The following KDM2B variants were observed in gnomAD, a reference collection of about 807,000 sequenced individuals.
KDM2B encodes lysine-specific demethylase 2B.
A neutral mutation model predicts 150.0 loss-of-function variants in KDM2B; 26 were observed. That is an observed-to-expected ratio of 0.17 (90% CI 0.13 to 0.24). The LOEUF is 0.24. KDM2B is among the 10% of genes least tolerant of loss of function. KDM2B has a pLI of 1.00. For synonymous variants in KDM2B, 734 were observed against 729.5 expected (o/e 1.01, Z -0.10); for missense variants, 1,265 against 1,816.9 (o/e 0.70, Z 5.52).
chr12:121,453,064 G>A lies in KDM2B; in HGVS notation c.1959+56C>T. The A allele has an allele frequency of 2.8e-6, 4 of 1,437,716 alleles. No homozygotes were observed. The highest frequency in any genetic ancestry group is 3.7e-6 in the Non-Finnish European group (4 of 1,069,600). The allele number at this position is 1,437,716 out of a possible 1,614,324, so 89.1% of individuals were successfully genotyped here. On this transcript the variant is annotated intron_variant, in intron 13 of 22. Coordinates refer to ENST00000377071, the MANE Select transcript of KDM2B (RefSeq NM_032590.5). The surrounding 1 kb of genome is among the most constrained non-coding windows in gnomAD (Gnocchi z 6.4). ...CAGAGCGAGCAGCGGTCAGACACGC[G>A]GGCCGGCACGCAGGGGCCTGAATCG...
rs2137340486 is a variant in KDM2B, at chr12:121,429,966, C to T, written c.*322G>A. On this transcript the variant is annotated 3_prime_UTR_variant, in exon 23 of 23. Transcript: ENST00000377071. ...GTGTCCAAAACACCACTACCACTAA[C>T]AGAAACTCCTAAGCTCATGCTTCAG... 4.1e-6 allele frequency: 3 copies of T among 728,102 alleles called. No homozygotes were observed. Among genetic ancestry groups the T allele is most frequent in the Non-Finnish European group, 7.2e-6 (3 of 415,790 alleles). The allele number at this position is 728,102 out of a possible 1,614,324, so 45.1% of individuals were successfully genotyped here. A position where few individuals can be genotyped will look rare whatever the true frequency, so the allele number is the denominator to read the frequency against.
intron 8 of KDM2B, among the ~76,000 whole-genome samples, chr12:121,523,685 G>T (rs1372234603): frequency 6.6e-6 from 1 of 152,234 alleles, no homozygotes; most frequent in Non-Finnish European, 1.5e-5. Flanking sequence ...GCAACGCATG[G>T]AACAGAGCTG....
chr12:121,478,422 T>C (rs1555297183), intron 12 of KDM2B, among the ~76,000 whole-genome samples: 1 of 149,774 alleles, frequency 6.7e-6, no homozygotes. Context: ...TGCAGTGGCG[T>C]GATCTCGGCT....
chr12:121,516,637 C>T, intron 9 of KDM2B: 1 of 796,080 alleles, frequency 1.3e-6, no homozygotes, highest in Non-Finnish European at 1.9e-6. Context: ...ACAAGGCATG[C>T]AATGCTCCCA....
intron 7 of KDM2B, among the ~76,000 whole-genome samples, chr12:121,534,176 C>T (rs562912755): frequency 1.1e-4 from 17 of 152,150 alleles, no homozygotes; most frequent in Admixed American, 7.2e-4. Flanking sequence ...GGTGAAACCC[C>T]GTCTCTACTA....
At chr12:121,506,152 G>A (rs1345183799) in intron 11 of KDM2B, among the ~76,000 whole-genome samples, 4 of 151,932 alleles carry the variant, frequency 2.6e-5, no homozygotes, top group African/African-American at 9.7e-5. Flanking sequence ...TGGGGCTACA[G>A]GCGCACACCA....
In KDM2B at chr12:121,542,230, C is replaced by T. The variant is rs575696886; in HGVS notation, c.683+6647G>A. Among the ~76,000 whole-genome samples, 7 of 152,208 alleles carry T rather than the reference C, an allele frequency of 4.6e-5. No individual in the cohort carries two copies. In the South Asian group the frequency reaches 6.2e-4, roughly 13 times the overall value. ...TATATGTGGCAAGGAACTGAGGCCT[C>T]CTGCCAACAGCCACGGGGATGCACC... On this transcript the variant is annotated intron_variant, in intron 6 of 22. Coordinates refer to ENST00000377071, the MANE Select transcript of KDM2B (RefSeq NM_032590.5).
In KDM2B at chr12:121,574,612, A is replaced by C. The variant is rs782445707; in HGVS notation, c.351-19T>G. On this transcript the variant is annotated intron_variant, in intron 3 of 22. Coordinates refer to ENST00000377071, the MANE Select transcript of KDM2B (RefSeq NM_032590.5). ...AGGCATCCTGGGGAAAGAGGAGCAC[A>C]GACCTTTGGTGAGAGGCCAGAAACA... is the stretch of plus-strand genomic sequence containing the variant. 6.2e-7 allele frequency: 1 copy of C among 1,613,622 alleles called. No individual in the cohort carries two copies. Among genetic ancestry groups the C allele is most frequent in the South Asian group, 1.1e-5 (1 of 91,062 alleles).
chr12:121,492,051 G>C (rs975189442), intron 12 of KDM2B, among the ~76,000 whole-genome samples: 1 of 151,908 alleles, frequency 6.6e-6, no homozygotes. Context: ...CCAGCTACTC[G>C]GGAGGCTAAG....
Position 121,549,631 on chromosome 12 carries a change from C to T in KDM2B, c.405G>A (p.Arg135=), listed in dbSNP as rs1889326821. Residue 135 remains arginine, a synonymous_variant, in exon 5 of 23, where the codon CGG becomes CGA. Coordinates refer to ENST00000377071, the MANE Select transcript of KDM2B (RefSeq NM_032590.5). The surrounding 1 kb of genome is among the most constrained non-coding windows in gnomAD (Gnocchi z 4.4). ...TCACATCCATCACGTCCACAAGCCG[C>T]CGGCTCCCTGGAGGCAGAAGCCACA... The part of the protein sequence containing the change: ...VRDVKLLVGS[R]RLVDVMDVNT... 2 of 1,577,298 alleles carry T rather than the reference C, an allele frequency of 1.3e-6. No homozygotes were observed. The highest frequency in any genetic ancestry group is 2.3e-5 in the East Asian group (1 of 44,062).
Position 121,538,206 on chromosome 12 carries a change from C to G in KDM2B, c.684-3616G>C, listed in dbSNP as rs1292549194. The stretch of plus-strand genomic sequence containing the variant: ...GGGGCGACCGGGAAGCAACGCGGGC[C>G]GGCGCCAGGAGACGCCCCTCGCCCG... On this transcript the variant is annotated intron_variant, in intron 6 of 22. Coordinates refer to ENST00000377071, the MANE Select transcript of KDM2B (RefSeq NM_032590.5). Among the ~76,000 whole-genome samples, 5 of 152,042 alleles carry G rather than the reference C, an allele frequency of 3.3e-5. 1 individual carries two copies. The South Asian group carries it at 1.0e-3, about 32-fold the overall frequency.
At chr12:121,470,481 C>T (rs1019666510) in intron 12 of KDM2B, 2 of 152,200 alleles carry the variant, frequency 1.3e-5, no homozygotes, top group Non-Finnish European at 2.9e-5. Context: ...AGAGAAAGAC[C>T]TCCCTCCAAG....
At chr12:121,488,569 G>A (rs1422685150) in intron 12 of KDM2B, among the ~76,000 whole-genome samples, 1 of 152,128 alleles carries the variant, frequency 6.6e-6, no homozygotes, top group African/African-American at 2.4e-5. Flanking sequence ...AAATGCATCC[G>A]AGTAGTGCAG....
chr12:121,439,460 G>A (rs1186622844), intron 22 of KDM2B, among the ~76,000 whole-genome samples: 1 of 127,630 alleles, frequency 7.8e-6, no homozygotes, highest in Non-Finnish European at 1.8e-5. Flanking sequence ...GGCTCACGGC[G>A]ACCTCCACTG....
At chr12:121,477,388 T>C (rs1394402924) in intron 12 of KDM2B, among the ~76,000 whole-genome samples, 1 of 151,698 alleles carries the variant, frequency 6.6e-6, no homozygotes, top group Non-Finnish European at 1.5e-5. Context: ...TGTATATATG[T>C]ATTTATTTTT....
In KDM2B at chr12:121,462,261, G is replaced by A. The variant is rs1879215289; in HGVS notation, c.1735-8917C>T. Among the ~76,000 whole-genome samples the A allele has an allele frequency of 2.0e-5, 3 of 151,862 alleles. No individual in the cohort carries two copies. In the South Asian group the frequency reaches 6.2e-4, roughly 31 times the overall value. Reference sequence around the variant, plus strand: ...AGCTGGATTTTACCAGAGTGTTGCAGGCCCCTTAACACACGCCTGTAGACT... The same window carrying A: ...AGCTGGATTTTACCAGAGTGTTGCAAGCCCCTTAACACACGCCTGTAGACT... On this transcript the variant is annotated intron_variant, in intron 12 of 22. Coordinates refer to ENST00000377071, the MANE Select transcript of KDM2B (RefSeq NM_032590.5).
At chr12:121,415,375 C>G in the KDM2B span, 1 of 289,188 alleles carries the variant, frequency 3.5e-6, no homozygotes, top group African/African-American at 2.2e-5. Context: ...AATCTGAGCA[C>G]TTCAGGAGGC....
intron 21 of KDM2B, chr12:121,440,610 G>A (rs991650788): frequency 1.6e-5 from 9 of 548,282 alleles, no homozygotes; most frequent in African/African-American, 3.8e-5. Flanking sequence ...AGACGCACGC[G>A]GAGCCCCAGG....
At position 121,436,426 on chromosome 12, in the gene KDM2B, C is replaced by T. The variant is rs930988185; in HGVS notation, c.3829+3431G>A. On this transcript the variant is annotated intron_variant, in intron 22 of 22. Coordinates refer to ENST00000377071, the MANE Select transcript of KDM2B (RefSeq NM_032590.5). ...GTCCCAGCTACTCGGGAGGCTGAGG[C>T]GGGAGAATGGCGTGAACCTGGGAGG... Among the ~76,000 whole-genome samples the T allele has an allele frequency of 9.3e-5, 14 of 151,156 alleles. No homozygotes were observed. In the East Asian group the frequency reaches 9.7e-4, roughly 11 times the overall value.
Sources: gnomAD v4.1 joint callset for allele counts (sites outside exome capture counted in the v4.1 genomes callset) on GRCh38, gnomAD v4.1.1 for gene constraint, Gnocchi (gnomAD v3.1) non-coding constraint, MANE v1.5 for transcripts, NCBI Gene and HGNC (gene_info 2026-07-23, HGNC 2026-07-21) for gene names.